PALB2: variants seen among roughly 807,000 people sequenced by gnomAD.
PALB2 encodes the protein partner and localizer of BRCA2.
PALB2 carries 82 observed loss-of-function variants against 107.4 expected under a neutral mutation model. The ratio of observed to expected loss-of-function variants is 0.76; its 90% confidence interval spans 0.64 to 0.92. The LOEUF (loss-of-function observed/expected upper bound fraction) is 0.92. Among genes scored for constraint, PALB2 ranks in the 40% least tolerant of loss-of-function variants. The pLI, the probability that PALB2 is intolerant of heterozygous loss-of-function variation, is 0.00. For synonymous variants in PALB2, 489 were observed against 496.8 expected (o/e 0.98, Z 0.21); for missense variants, 1,374 against 1,379.9 (o/e 1.00, Z 0.07).
In PALB2 at chr16:23,607,908, G is replaced by A. The variant is rs515726112; in HGVS notation, c.3306C>T (p.Ser1102=). 14 of 1,613,990 alleles carry A rather than the reference G, an allele frequency of 8.7e-6. No individual in the cohort carries two copies. The highest frequency in any genetic ancestry group is 4.4e-5 in the South Asian group (4 of 91,070). Residue 1102 remains serine, a synonymous_variant, in exon 12 of 13, where the codon AGC becomes AGT. Coordinates refer to ENST00000261584, the MANE Select transcript of PALB2 (RefSeq NM_024675.4). ...LIVINPKTTL[S]VGVMLYCLPP... Reference sequence around the variant, plus strand: ...GAAGACAGTACAGCATCACACCCACGCTGAGAGTCGTCTTAGGGTTAATCA... The same window carrying A: ...GAAGACAGTACAGCATCACACCCACACTGAGAGTCGTCTTAGGGTTAATCA...
Position 23,623,203 on chromosome 16 carries a change from T to C in PALB2, c.2835-73A>G. 6 of 641,168 alleles carry C rather than the reference T, an allele frequency of 9.4e-6. No homozygotes were observed. In the South Asian group the frequency reaches 1.6e-4, roughly 17 times the overall value. 39.7% of individuals were successfully genotyped at this position (641,168 alleles called of 1,614,324 possible). On this transcript the variant is annotated intron_variant, in intron 8 of 12. Coordinates refer to ENST00000261584, the MANE Select transcript of PALB2 (RefSeq NM_024675.4). ...TAATATTAAAGGACTAGGTTCACTT[T>C]TTTTTTTTTTTTTTTTTTGAGACAG...
intron 4 of PALB2, among the ~76,000 whole-genome samples, chr16:23,632,790 T>C (rs974350831): frequency 1.3e-5 from 2 of 152,230 alleles, no homozygotes. Flanking sequence ...ACTACAATTA[T>C]AGCAGACTAT....
At chr16:23,620,767 T>C (rs1372284442) in intron 10 of PALB2, among the ~76,000 whole-genome samples, 3 of 152,094 alleles carry the variant, frequency 2.0e-5, no homozygotes, top group Admixed American at 2.0e-4. Context: ...AAGTATATAG[T>C]ATCTGACAAA....
chr16:23,635,503 TG>T lies in PALB2; in HGVS notation c.1042del (p.Gln348LysfsTer8), dbSNP rs1597097408. 6.2e-7 allele frequency: 1 copy of T among 1,614,042 alleles called. No individual in the cohort carries two copies. Among genetic ancestry groups the T allele is most frequent in the South Asian group, 1.1e-5 (1 of 91,060 alleles). On this transcript the variant is annotated frameshift_variant, in exon 4 of 13. Coordinates refer to ENST00000261584, the MANE Select transcript of PALB2 (RefSeq NM_024675.4). LOFTEE classifies it high-confidence loss of function. ...PANENQNLKE[Q>X]NQTEKSLKSP... Reference sequence around the variant, plus strand: ...TTTTAAAGATTTCTCTGTTTGATTTTGTTCTTTTAAGTTTTGGTTTTCATTT... The same window carrying T: ...TTTTAAAGATTTCTCTGTTTGATTTTTTCTTTTAAGTTTTGGTTTTCATTT...
chr16:23,604,659 G>A (rs980155420), intron 12 of PALB2, among the ~76,000 whole-genome samples: 1 of 152,060 alleles, frequency 6.6e-6, no homozygotes, highest in Non-Finnish European at 1.5e-5. Context: ...CCAGCTACTC[G>A]GGAGGCTGAA....
chr16:23,640,699 G>A (rs1296400055), intron 1 of PALB2: 1 of 258,216 alleles, frequency 3.9e-6, no homozygotes, highest in Non-Finnish European at 7.5e-6. Context: ...ATATACATAG[G>A]ATTCCTTTTT....
At chr16:23,621,242 C>T in intron 10 of PALB2, 120 bp downstream of exon 10, 1 of 775,632 alleles carries the variant, frequency 1.3e-6, no homozygotes, top group South Asian at 1.5e-5. Context: ...AACAGCAACA[C>T]AAAACCACAA....
intron 3 of PALB2, 60 bp downstream of exon 3, chr16:23,637,790 G>T: frequency 7.5e-7 from 1 of 1,336,522 alleles, no homozygotes. Flanking sequence ...AAGAACAATA[G>T]CCAAAATATA....
chr16:23,603,198 C>T lies in PALB2; in HGVS notation c.*261G>A. On this transcript the variant is annotated 3_prime_UTR_variant, in exon 13 of 13. Coordinates refer to ENST00000261584, the MANE Select transcript of PALB2 (RefSeq NM_024675.4). The stretch of plus-strand genomic sequence containing the variant: ...AATAAATATTTATTGCCATTTGAAG[C>T]TTTATGTACACCTTTAAAAGCACAT... 1 of 409,246 alleles carries T rather than the reference C, an allele frequency of 2.4e-6. No homozygotes were observed. The highest frequency in any genetic ancestry group is 4.0e-5 in the Admixed American group (1 of 24,982). 25.4% of individuals were successfully genotyped at this position (409,246 alleles called of 1,614,324 possible).
chr16:23,636,586 T>C (rs1376713564), intron 3 of PALB2, among the ~76,000 whole-genome samples: 1 of 152,146 alleles, frequency 6.6e-6, no homozygotes, highest in African/African-American at 2.4e-5. Flanking sequence ...ATGGAGTATG[T>C]AAAGGAACTG....
At chr16:23,608,801 T>TATATATATACACACACACACAC (rs560756242) in intron 11 of PALB2, among the ~76,000 whole-genome samples, 7 of 143,762 alleles carry the variant, frequency 4.9e-5, no homozygotes, top group African/African-American at 1.8e-4. Context: ...TGTATATATA[T>TATATATATACACACACACACAC]ACACACACAC....
At chr16:23,606,669 G>T (rs1486814674) in intron 12 of PALB2, among the ~76,000 whole-genome samples, 1 of 151,278 alleles carries the variant, frequency 6.6e-6, no homozygotes, top group African/African-American at 2.4e-5. Flanking sequence ...GGGATTACAG[G>T]CACGCACTAC....
intron 4 of PALB2, among the ~76,000 whole-genome samples, chr16:23,634,336 GTATC>G (rs1966928992): frequency 6.6e-6 from 1 of 152,190 alleles, no homozygotes; most frequent in Non-Finnish European, 1.5e-5. Context: ...CAATGAGTTA[GTATC>G]TGTACAACAT....
intron 5 of PALB2, 79 bp downstream of exon 5, chr16:23,629,561 G>T: frequency 7.2e-7 from 1 of 1,392,190 alleles, no homozygotes; most frequent in African/African-American, 1.4e-5. Flanking sequence ...GGCCCAATGC[G>T]CAAGCAAGTC....
At chr16:23,604,766 C>T (rs576261446) in intron 12 of PALB2, among the ~76,000 whole-genome samples, 2 of 131,204 alleles carry the variant, frequency 1.5e-5, no homozygotes, top group Admixed American at 1.6e-4. Flanking sequence ...ACCCTGTCTC[C>T]AAAAAAAAAA....
intron 1 of PALB2, chr16:23,640,833 AG>A (rs1427417333): frequency 8.1e-5 from 32 of 397,152 alleles, no homozygotes; most frequent in East Asian, 4.8e-4. Flanking sequence ...AGGGTGTGGG[AG>A]GGGGGAGGAG....
rs786203475 is a variant in PALB2, at chr16:23,608,010, C to A, written c.3204G>T (p.Gly1068=). The A allele has an allele frequency of 1.2e-6, 2 of 1,613,504 alleles. No homozygotes were observed. Among genetic ancestry groups the A allele is most frequent in the Admixed American group, 3.3e-5 (2 of 59,992 alleles). ...GATGACTCAGGACAATAAAGAGAAG[C>A]CCCTAATTTCGGAGAAAAATAAATA... ...SVCHKAYSEM[G]LLFIVLSHPC... The change falls in exon 12 of 13, where the codon GGG becomes GGT. Residue 1068 remains glycine, a splice_region_variant and synonymous_variant. Transcript: ENST00000261584.
At chr16:23,617,242 G>A (rs1018393268) in intron 10 of PALB2, among the ~76,000 whole-genome samples, 1 of 152,102 alleles carries the variant, frequency 6.6e-6, no homozygotes, top group Non-Finnish European at 1.5e-5. Flanking sequence ...CTACATGTAA[G>A]TATAAAATTA....
At chr16:23,639,654 T>C (rs1967161729) in intron 1 of PALB2, among the ~76,000 whole-genome samples, 1 of 151,552 alleles carries the variant, frequency 6.6e-6, no homozygotes. Context: ...ACCCTGTCTC[T>C]ACTAAAAATA....
Sources: gnomAD v4.1 joint callset for allele counts (sites outside exome capture counted in the v4.1 genomes callset) on GRCh38, gnomAD v4.1.1 for gene constraint, MANE v1.5 for transcripts, NCBI Gene and HGNC (gene_info 2026-07-23, HGNC 2026-07-21) for gene names.